Variants in MID1 observed in about 807,000 individuals in gnomAD.
MID1 encodes the protein E3 ubiquitin-protein ligase Midline-1.
Under a neutral mutation model 40.4 loss-of-function variants are expected in MID1, and 7 were observed. That is an observed-to-expected ratio of 0.17 (90% confidence interval 0.10 to 0.33). The LOEUF (loss-of-function observed/expected upper bound fraction) is 0.33, where lower values mean the gene tolerates loss of function less well. MID1 is among the 10% of genes least tolerant of loss of function. The pLI, the probability that MID1 is intolerant of heterozygous loss-of-function variation, is 1.00. For synonymous variants in MID1, 229 were observed against 221.2 expected (o/e 1.04, Z -0.31); for missense variants, 367 against 558.5 (o/e 0.66, Z 3.46).
chrX:10,653,413 G>A (rs1438215162), intron 1 of MID1, among the ~76,000 whole-genome samples: 3 of 112,051 alleles, frequency 2.7e-5, no homozygotes, highest in Admixed American at 9.4e-5. Context: ...TCTGCCTCTC[G>A]ACTTAGAAAT....
At chrX:10,706,781 GT>G (rs2043234562) in intron 1 of MID1, among the ~76,000 whole-genome samples, 1 of 111,428 alleles carries the variant, frequency 9.0e-6, no homozygotes, top group South Asian at 3.8e-4. Flanking sequence ...CTCACAAAAA[GT>G]TTTCACATTA....
chrX:10,690,437 G>T (rs2043125334), intron 1 of MID1, among the ~76,000 whole-genome samples: 2 of 112,239 alleles, frequency 1.8e-5, no homozygotes, highest in Middle Eastern at 4.6e-3. Flanking sequence ...TGACAATAAG[G>T]CTGTTAGCGT....
At chrX:10,682,023 G>A (rs1007620806) in intron 1 of MID1, among the ~76,000 whole-genome samples, 2 of 111,413 alleles carry the variant, frequency 1.8e-5, no homozygotes, top group African/African-American at 6.5e-5. Flanking sequence ...ATGTTAATAT[G>A]AGTTGGGCAC....
At chrX:10,551,707 C>T (rs562321575) in intron 2 of MID1, among the ~76,000 whole-genome samples, 154 of 112,068 alleles carry the variant, frequency 1.4e-3, no homozygotes, top group Middle Eastern at 0.014. Context: ...TAAAAGAACA[C>T]AAAATACAGC....
chrX:10,596,466 A>T (rs1935413883), intron 1 of MID1, among the ~76,000 whole-genome samples: 1 of 112,308 alleles, frequency 8.9e-6, no homozygotes, highest in African/African-American at 3.2e-5. Flanking sequence ...AATATTTTAA[A>T]ACATACAACA....
intron 1 of MID1, among the ~76,000 whole-genome samples, chrX:10,674,442 T>C (rs2043008324): frequency 1.8e-5 from 2 of 112,088 alleles, no homozygotes; most frequent in Admixed American, 9.5e-5. Flanking sequence ...ATAGCTTTCA[T>C]CTCTAACAGC....
chrX:10,581,272 A>AC (rs1398841741), intron 1 of MID1, among the ~76,000 whole-genome samples: 1 of 111,508 alleles, frequency 9.0e-6, no homozygotes, highest in Non-Finnish European at 1.9e-5. Flanking sequence ...ACAAAAACAA[A>AC]AAACAAACAA....
intron 1 of MID1, among the ~76,000 whole-genome samples, chrX:10,682,601 C>T (rs1454114411): frequency 9.0e-6 from 1 of 111,379 alleles, no homozygotes; most frequent in Non-Finnish European, 1.9e-5. Flanking sequence ...AGTCATACCT[C>T]AGTGAGAATA....
chrX:10,681,605 C>G lies in MID1; in HGVS notation c.-186-61186G>C, dbSNP rs183885061. ...AGTCATATCACCTTTTACAATCTCT[C>G]TTGGAAATCACATGGTGTTACTTCT... On this transcript the variant is annotated intron_variant, in intron 1 of 10. Coordinates refer to the MID1 transcript ENST00000380785. 2.2e-3 allele frequency among the ~76,000 whole-genome samples: 241 copies of G among 111,622 alleles called. 1 individual carries two copies. The highest frequency in any genetic ancestry group is 7.5e-3 in the African/African-American group (230 of 30,691).
intron 1 of MID1, among the ~76,000 whole-genome samples, chrX:10,673,993 T>C (rs1484631253): frequency 9.0e-6 from 1 of 111,653 alleles, no homozygotes; most frequent in Admixed American, 9.6e-5. Flanking sequence ...ATTATTATGA[T>C]ATATCAAAAC....
rs995482495 is a variant in MID1, at chrX:10,505,855, C to G, written c.757-10164G>C. 18 of 752,739 alleles carry G rather than the reference C, an allele frequency of 2.4e-5. No homozygotes were observed. In the Admixed American group the frequency reaches 8.7e-4, roughly 37 times the overall value. The allele number at this position is 752,739 out of a possible 1,213,427, so 62.0% of individuals were successfully genotyped here. On this transcript the variant is annotated intron_variant, in intron 3 of 9. Transcript: ENST00000317552. ...GCCATGATTCCTGAAAAGTGATGTACTGGAAAAATACTGAGTTGGACCCCT... is the reference window on the plus strand; with the variant it reads ...GCCATGATTCCTGAAAAGTGATGTAGTGGAAAAATACTGAGTTGGACCCCT...
chrX:10,652,157 TTTTC>T (rs924808966), intron 1 of MID1, among the ~76,000 whole-genome samples: 10 of 111,901 alleles, frequency 8.9e-5, no homozygotes, highest in African/African-American at 3.3e-4. Context: ...AGTCTTGATA[TTTTC>T]TTCATTTCAT....
At chrX:10,539,300 G>A (rs894363954) in intron 2 of MID1, among the ~76,000 whole-genome samples, 9 of 111,513 alleles carry the variant, frequency 8.1e-5, no homozygotes, top group African/African-American at 1.6e-4. Flanking sequence ...TAGATCGTGC[G>A]GCTGGCTCTA....
intron 4 of MID1, among the ~76,000 whole-genome samples, chrX:10,494,771 CAAAAAAAAAA>C (rs58092232): frequency 6.3e-5 from 2 of 31,982 alleles, no homozygotes; most frequent in African/African-American, 8.3e-5. Flanking sequence ...AAGACTGTCT[CAAAAAAAAAA>C]AAAAAAAAAA....
chrX:10,801,159 C>T (rs748380844), intron 1 of MID1, among the ~76,000 whole-genome samples: 1 of 110,382 alleles, frequency 9.1e-6, no homozygotes. Context: ...TATGTTATTT[C>T]CCTTGGCTTT....
At chrX:10,485,140 A>G (rs996297334) in intron 4 of MID1, among the ~76,000 whole-genome samples, 4 of 111,992 alleles carry the variant, frequency 3.6e-5, no homozygotes, top group African/African-American at 9.7e-5. Flanking sequence ...TCTTGCTACA[A>G]TGTTGTGCAG....
intron 2 of MID1, 64 bp downstream of exon 2, chrX:10,566,824 A>G: frequency 8.9e-7 from 1 of 1,122,732 alleles, no homozygotes; most frequent in East Asian, 3.0e-5. Flanking sequence ...AGCAGTGAAT[A>G]CACTTTTTAT....
chrX:10,664,567 T>C (rs779976006), intron 1 of MID1, among the ~76,000 whole-genome samples: 4 of 112,748 alleles, frequency 3.5e-5, no homozygotes, highest in South Asian at 3.7e-4. Context: ...AACATTCATA[T>C]ACATGTTGTT....
intron 1 of MID1, among the ~76,000 whole-genome samples, chrX:10,635,233 G>A (rs112599346): frequency 0.045 from 5,046 of 111,733 alleles, 161 homozygotes; most frequent in African/African-American, 0.12. Context: ...TTGACATACT[G>A]TAGCTGCCAG....
Sources: gnomAD v4.1 joint callset for allele counts (sites outside exome capture counted in the v4.1 genomes callset) on GRCh38, gnomAD v4.1.1 for gene constraint, MANE v1.5 for transcripts, NCBI Gene and HGNC (gene_info 2026-07-23, HGNC 2026-07-21) for gene names.